The following NRG1 variants were observed in gnomAD, a reference collection of about 807,000 sequenced individuals.
NRG1 encodes the protein neuregulin 1, also known as pro-neuregulin-1, membrane-bound isoform.
In NRG1, 18 loss-of-function variants were observed where a neutral mutation model predicts 63.8. The ratio of observed to expected loss-of-function variants is 0.28; its 90% CI spans 0.19 to 0.42. NRG1 has a LOEUF of 0.42. NRG1 is among the 10% of genes least tolerant of loss of function. The pLI, the probability that NRG1 is intolerant of heterozygous loss-of-function variation, is 1.00. For missense variants in NRG1, 762 were observed against 814.7 expected (o/e 0.94, Z 0.79); for synonymous variants, 302 against 301.3 (o/e 1.00, Z -0.02).
chr8:32,426,967 G>T (rs527620110), intron 1 of NRG1, among the ~76,000 whole-genome samples: 1 of 152,010 alleles, frequency 6.6e-6, no homozygotes, highest in South Asian at 2.1e-4. Context: ...ACAACATCAG[G>T]TCATTATTTA....
chr8:32,054,336 G>C (rs190378968), intron 1 of NRG1, among the ~76,000 whole-genome samples: 18 of 152,258 alleles, frequency 1.2e-4, no homozygotes, highest in Non-Finnish European at 2.4e-4. Flanking sequence ...CTTTATCTTT[G>C]TATCCCCAAG....
intron 1 of NRG1, among the ~76,000 whole-genome samples, chr8:32,165,953 A>T (rs1035527742): frequency 1.3e-5 from 2 of 152,138 alleles, no homozygotes; most frequent in Admixed American, 6.5e-5. Flanking sequence ...TGTGTACATG[A>T]TCATAGATGG....
At chr8:31,669,567 A>T (rs1806903682) in intron 1 of NRG1, among the ~76,000 whole-genome samples, 1 of 152,106 alleles carries the variant, frequency 6.6e-6, no homozygotes, top group Non-Finnish European at 1.5e-5. Context: ...AATTTTGTGC[A>T]TGAAATAAGG....
chr8:31,873,416 G>A (rs901118690), intron 1 of NRG1, among the ~76,000 whole-genome samples: 17 of 152,054 alleles, frequency 1.1e-4, no homozygotes, highest in South Asian at 2.1e-4. Context: ...AAAATTAGCC[G>A]GGCGTGGTGG....
chr8:32,754,297 G>A lies in NRG1; in HGVS notation c.692-75G>A. On this transcript the variant is annotated intron_variant, in intron 7 of 11. Coordinates refer to ENST00000356819, the Ensembl canonical transcript of NRG1. ...GAACATGGACAATGTCATGCAGCAT[G>A]CCCACTGTTTGGTTGTAGTCAGTCC... The A allele has an allele frequency of 3.3e-6, 4 of 1,203,042 alleles. No homozygotes were observed. The South Asian group carries it at 3.8e-5, about 11-fold the overall frequency. The allele number at this position is 1,203,042 out of a possible 1,614,324, so 74.5% of individuals were successfully genotyped here. A position where few individuals can be genotyped will look rare whatever the true frequency, so the allele number is the denominator to read the frequency against.
chr8:32,705,300 T>A (rs1381089145), intron 5 of NRG1, among the ~76,000 whole-genome samples: 1 of 151,914 alleles, frequency 6.6e-6, no homozygotes, highest in African/African-American at 2.4e-5. Flanking sequence ...CCCGGGTAAT[T>A]TTTTGTATTT....
At chr8:31,923,305 T>A (rs1224202276) in intron 1 of NRG1, among the ~76,000 whole-genome samples, 2 of 152,186 alleles carry the variant, frequency 1.3e-5, no homozygotes, top group Non-Finnish European at 2.9e-5. Context: ...TGATATCATA[T>A]CAAATATTAG....
intron 1 of NRG1, among the ~76,000 whole-genome samples, chr8:32,464,096 G>C (rs865986769): frequency 6.6e-6 from 1 of 150,984 alleles, no homozygotes; most frequent in African/African-American, 2.4e-5. Flanking sequence ...GAGTTTCACC[G>C]TGTTGGCCAG....
chr8:32,771,711 A>ATATATATATATATATAT (rs1831809170), downstream of NRG1, among the ~76,000 whole-genome samples: 6 of 108,564 alleles, frequency 5.5e-5, no homozygotes, highest in African/African-American at 2.4e-4. Flanking sequence ...TTCTTTAAAA[A>ATATATATATATATATAT]AAAAATATAT....
intron 1 of NRG1, among the ~76,000 whole-genome samples, chr8:32,438,027 C>T (rs1587654337): frequency 1.3e-5 from 2 of 152,020 alleles, no homozygotes; most frequent in East Asian, 3.9e-4. Flanking sequence ...AGAAATAATG[C>T]AAACAATACT....
intron 1 of NRG1, among the ~76,000 whole-genome samples, chr8:32,219,493 C>T (rs1373187425): frequency 6.6e-6 from 1 of 152,188 alleles, no homozygotes; most frequent in African/African-American, 2.4e-5. Context: ...CAATCACATA[C>T]CACCCAGTTT....
intron 11 of NRG1, among the ~76,000 whole-genome samples, chr8:32,762,903 A>G (rs927777695): frequency 2.0e-5 from 3 of 152,220 alleles, no homozygotes; most frequent in Non-Finnish European, 2.9e-5. Flanking sequence ...ATTATCAGAC[A>G]TAACATGATA....
At chr8:32,189,239 T>G (rs1048262281) in intron 1 of NRG1, among the ~76,000 whole-genome samples, 2 of 152,142 alleles carry the variant, frequency 1.3e-5, no homozygotes, top group African/African-American at 4.8e-5. Context: ...CCCTTCCGTC[T>G]TCCCCCTCAG....
At chr8:32,617,133 T>C (rs542071425) in intron 5 of NRG1, among the ~76,000 whole-genome samples, 1 of 152,280 alleles carries the variant, frequency 6.6e-6, no homozygotes, top group Non-Finnish European at 1.5e-5. Flanking sequence ...TAGGGTAATC[T>C]GGTGGCTTTG....
chr8:32,013,981 C>T (rs899273478), intron 1 of NRG1, among the ~76,000 whole-genome samples: 4 of 152,166 alleles, frequency 2.6e-5, no homozygotes, highest in African/African-American at 9.6e-5. Flanking sequence ...ACAACTATTA[C>T]AGCTGTCATA....
chr8:32,610,324 A>T (rs1846160569), intron 3 of NRG1, among the ~76,000 whole-genome samples: 1 of 152,114 alleles, frequency 6.6e-6, no homozygotes, highest in African/African-American at 2.4e-5. Flanking sequence ...ATATTTTGAT[A>T]CAAGATTCTA....
intron 1 of NRG1, among the ~76,000 whole-genome samples, chr8:32,083,635 C>G (rs1219395729): frequency 6.6e-6 from 1 of 152,084 alleles, no homozygotes; most frequent in East Asian, 1.9e-4. Context: ...CTTTAAGACA[C>G]CTGGATAATG....
intron 1 of NRG1, among the ~76,000 whole-genome samples, chr8:32,013,205 G>A (rs974611759): frequency 2.0e-5 from 3 of 152,074 alleles, no homozygotes; most frequent in Non-Finnish European, 4.4e-5. Context: ...GAATGTGAGA[G>A]GAGGACAGGA....
intron 5 of NRG1, among the ~76,000 whole-genome samples, chr8:32,624,556 T>C (rs985653494): frequency 6.6e-6 from 1 of 152,178 alleles, no homozygotes; most frequent in African/African-American, 2.4e-5. Flanking sequence ...TGTGTTTCAT[T>C]GGGCAGACAA....
Sources: allele counts gnomAD v4.1 joint callset (sites outside exome capture counted in the v4.1 genomes callset), GRCh38; gene constraint gnomAD v4.1.1; transcripts MANE v1.5; gene names NCBI Gene and HGNC (gene_info 2026-07-23, HGNC 2026-07-21).